The following CDKL5 variants were observed in gnomAD, a reference collection of about 807,000 sequenced individuals.
CDKL5 encodes cyclin-dependent kinase-like 5.
A neutral mutation model predicts 61.7 loss-of-function variants in CDKL5; 8 were observed. The observed-to-expected ratio is 0.13, with a 90% confidence interval of 0.08 to 0.23. CDKL5 has a LOEUF of 0.23. Among genes scored for constraint, CDKL5 ranks in the 10% least tolerant of loss-of-function variants. CDKL5 has a pLI of 1.00. For missense variants in CDKL5, 440 were observed against 734.5 expected (o/e 0.60, Z 4.63); for synonymous variants, 275 against 272.3 (o/e 1.01, Z -0.10).
At chrX:18,475,398 G>A (rs1921269874) in intron 1 of CDKL5, among the ~76,000 whole-genome samples, 2 of 109,807 alleles carry the variant, frequency 1.8e-5, no homozygotes, top group Admixed American at 9.7e-5. Context: ...GGGCACAAGC[G>A]ATCCTCCCAC....
At chrX:18,642,089 C>T (rs281865355), downstream of CDKL5, 2 of 1,209,447 alleles carry the variant, frequency 1.7e-6, no homozygotes, top group Non-Finnish European at 1.1e-6. Flanking sequence ...GCGGATGAAG[C>T]GGGAGATGAT....
intron 3 of CDKL5, among the ~76,000 whole-genome samples, chrX:18,546,297 T>C (rs191391435): frequency 6.9e-4 from 72 of 104,900 alleles, no homozygotes; most frequent in African/African-American, 2.5e-3. Context: ...GTTTCCCTCT[T>C]GTCGCCCAAG....
rs1021408696 is a variant in CDKL5, at chrX:18,629,502, A to C, written c.*745A>C. 6.3e-6 allele frequency: 4 copies of C among 636,342 alleles called. No homozygotes were observed. The highest frequency in any genetic ancestry group is 2.5e-5 in the African/African-American group (1 of 40,576). 52.4% of individuals were successfully genotyped at this position (636,342 alleles called of 1,213,427 possible). ...TCTGTTTTATAAATATATTCATTTAAAGAAAGTATCGTTATGACACTATCT... is the reference window on the plus strand; with the variant it reads ...TCTGTTTTATAAATATATTCATTTACAGAAAGTATCGTTATGACACTATCT... On this transcript the variant is annotated 3_prime_UTR_variant, in exon 18 of 18. Coordinates refer to ENST00000623535, the MANE Select transcript of CDKL5 (RefSeq NM_001323289.2).
Position 18,504,123 on chromosome X carries a change from G to T in CDKL5, c.-162-2812G>T, listed in dbSNP as rs552646163. 3.6e-3 allele frequency among the ~76,000 whole-genome samples: 380 copies of T among 104,832 alleles called. 2 individuals carry two copies. The Middle Eastern group carries it at 0.05, about 14-fold the overall frequency. The allele number at this position is 104,832 out of a possible 115,157, so 91.0% of individuals were successfully genotyped here. On this transcript the variant is annotated intron_variant, in intron 1 of 17. Transcript: ENST00000623535. ...CTTGTCATGTTTTTGTTTGTTTGGT[G>T]GAGACAGGGTCTCACACTGTTGCCC...
chrX:18,505,758 G>A (rs1427859221), intron 1 of CDKL5, among the ~76,000 whole-genome samples: 1 of 112,216 alleles, frequency 8.9e-6, no homozygotes. Context: ...TTTAATTAAG[G>A]TGGTGTCTGG....
chrX:18,649,041 CA>C (rs746581850), intron 20 of CDKL5, among the ~76,000 whole-genome samples: 2,488 of 50,754 alleles, frequency 0.049, 66 homozygotes, highest in African/African-American at 0.14. Flanking sequence ...GACACTGTCT[CA>C]AAAAAAAAAA....
At chrX:18,427,734 AATAGAATTCTTTGTCCAG>A (rs1294839004) in intron 1 of CDKL5, among the ~76,000 whole-genome samples, 1 of 111,968 alleles carries the variant, frequency 8.9e-6, no homozygotes, top group African/African-American at 3.2e-5. Context: ...TTAAATTTGA[AATAGAATTCTTTGTCCAG>A]AGAGTAATTC....
intron 16 of CDKL5, among the ~76,000 whole-genome samples, chrX:18,621,652 ATGTAT>A (rs1926892786): frequency 9.0e-6 from 1 of 111,454 alleles, no homozygotes. Context: ...TGCACAGAAT[ATGTAT>A]GTTACTACAA....
At chrX:18,455,028 A>T (rs986446031) in intron 1 of CDKL5, among the ~76,000 whole-genome samples, 2 of 109,093 alleles carry the variant, frequency 1.8e-5, no homozygotes, top group African/African-American at 6.7e-5. Context: ...CACCATGCCT[A>T]GCTCATTGCC....
In CDKL5 at chrX:18,634,277, G is replaced by A. The variant is rs1410550099; in HGVS notation, c.*5520G>A. 1.3e-6 allele frequency: 1 copy of A among 751,839 alleles called. No individual in the cohort carries two copies. The highest frequency in any genetic ancestry group is 2.3e-5 in the African/African-American group (1 of 42,970). The allele number at this position is 751,839 out of a possible 1,213,427, so 62.0% of individuals were successfully genotyped here. A position where few individuals can be genotyped will look rare whatever the true frequency, so the allele number is the denominator to read the frequency against. On this transcript the variant is annotated 3_prime_UTR_variant, in exon 18 of 18. Transcript: ENST00000623535. ...AATTCCTCAGGACTTCCTTTGGTTG[G>A]GGATTTTACTTTCCCAAAAGTCTGA...
At chrX:18,640,300 G>A (rs190004049), downstream of CDKL5, 123 of 110,404 alleles carry the variant, frequency 1.1e-3, no homozygotes, top group African/African-American at 4.0e-3. Flanking sequence ...TTAACTCTTA[G>A]GATACTGCCA....
chrX:18,542,446 C>T (rs747969156), intron 3 of CDKL5, among the ~76,000 whole-genome samples: 144 of 111,451 alleles, frequency 1.3e-3, no homozygotes, highest in African/African-American at 4.5e-3. Context: ...TGTTCTTTTC[C>T]TGGTCCTTTA....
chrX:18,488,697 T>G (rs1003344332), intron 1 of CDKL5, among the ~76,000 whole-genome samples: 2 of 111,763 alleles, frequency 1.8e-5, no homozygotes, highest in East Asian at 5.6e-4. Context: ...GTGAACACAC[T>G]GTAAAGCAAA....
chrX:18,536,724 G>C (rs1923852280), intron 3 of CDKL5, among the ~76,000 whole-genome samples: 1 of 110,319 alleles, frequency 9.1e-6, no homozygotes, highest in Non-Finnish European at 1.9e-5. Context: ...GGGATTACAG[G>C]CGTGAGCCAC....
chrX:18,644,769 T>A (rs1927714121), downstream of CDKL5: 1 of 546,339 alleles, frequency 1.8e-6, no homozygotes, highest in Non-Finnish European at 3.1e-6. Context: ...CTGAGCCTTG[T>A]CTCCTAGGAA....
chrX:18,584,129 TA>T, intron 7 of CDKL5, 133 bp from the exon 8 acceptor site: 3 of 521,166 alleles, frequency 5.8e-6, no homozygotes, highest in Non-Finnish European at 1.0e-5. Context: ...ATATTATTAA[TA>T]AATAGCCCAT....
At chrX:18,543,085 T>C (rs1026296452) in intron 3 of CDKL5, among the ~76,000 whole-genome samples, 1 of 110,792 alleles carries the variant, frequency 9.0e-6, no homozygotes, top group African/African-American at 3.3e-5. Context: ...TTTCTCGGGA[T>C]GTGTATGTGT....
At chrX:18,583,657 A>G (rs866234616) in intron 7 of CDKL5, among the ~76,000 whole-genome samples, 1 of 111,610 alleles carries the variant, frequency 9.0e-6, no homozygotes, top group Non-Finnish European at 1.9e-5. Flanking sequence ...GCTATGCAGT[A>G]GCCCTAAAAC....
intron 12 of CDKL5, among the ~76,000 whole-genome samples, chrX:18,607,039 C>T (rs766778889): frequency 1.8e-5 from 2 of 111,710 alleles, no homozygotes; most frequent in Non-Finnish European, 3.8e-5. Context: ...ATGAGCATGT[C>T]GAAGCTCAGA....
Sources: allele counts gnomAD v4.1 joint callset (sites outside exome capture counted in the v4.1 genomes callset), GRCh38; gene constraint gnomAD v4.1.1; transcripts MANE v1.5; gene names NCBI Gene and HGNC (gene_info 2026-07-23, HGNC 2026-07-21).